RSRC1: variants seen among roughly 807,000 people sequenced by gnomAD.
The protein encoded by RSRC1 is serine/Arginine-related protein 53.
A neutral mutation model predicts 49.1 loss-of-function variants in RSRC1; 39 were observed. That is an observed-to-expected ratio of 0.79 (90% CI 0.61 to 1.04). RSRC1 has a LOEUF of 1.04. Ranked by LOEUF, RSRC1 falls within the 50% of genes least tolerant of loss-of-function variation. The pLI is 0.00. For synonymous variants in RSRC1, 143 were observed against 130.8 expected, an observed-to-expected ratio of 1.09 and a Z score of -0.63; for missense variants, 388 against 402.4, an observed-to-expected ratio of 0.96 and a Z score of 0.31.
At chr3:158,345,481 G>C (rs919370296) in intron 5 of RSRC1, among the ~76,000 whole-genome samples, 3 of 152,086 alleles carry the variant, frequency 2.0e-5, no homozygotes, top group African/African-American at 7.2e-5. Context: ...TAAGATGTCA[G>C]TTCTCCTCAA....
chr3:158,311,401 A>G (rs1196050818), intron 5 of RSRC1, among the ~76,000 whole-genome samples: 2 of 152,016 alleles, frequency 1.3e-5, no homozygotes, highest in African/African-American at 4.8e-5. Context: ...GAATAGATGT[A>G]TAATCTAATT....
intron 6 of RSRC1, among the ~76,000 whole-genome samples, chr3:158,459,821 A>G (rs1425466942): frequency 1.3e-5 from 2 of 152,020 alleles, no homozygotes; most frequent in Non-Finnish European, 2.9e-5. Context: ...ATAGTACTTC[A>G]TAACACCATT....
At chr3:158,528,657 A>G (rs1191760008) in intron 7 of RSRC1, among the ~76,000 whole-genome samples, 1 of 151,998 alleles carries the variant, frequency 6.6e-6, no homozygotes, top group Non-Finnish European at 1.5e-5. Flanking sequence ...TAAGGATTCT[A>G]GAATTAAAAT....
intron 3 of RSRC1, among the ~76,000 whole-genome samples, chr3:158,145,214 A>T (rs528252619): frequency 4.6e-5 from 7 of 152,254 alleles, no homozygotes; most frequent in East Asian, 3.9e-4. Flanking sequence ...CCCATGCCTA[A>T]GTCCTGAATG....
chr3:158,373,417 G>A (rs1732185647), intron 6 of RSRC1, among the ~76,000 whole-genome samples: 1 of 151,544 alleles, frequency 6.6e-6, no homozygotes. Flanking sequence ...TTCTTATTTT[G>A]CTTCAAATTC....
chr3:158,200,830 G>A (rs1721002374), intron 3 of RSRC1, among the ~76,000 whole-genome samples: 1 of 152,034 alleles, frequency 6.6e-6, no homozygotes, highest in Admixed American at 6.6e-5. Flanking sequence ...TCTACTTTCA[G>A]TATAAACCTT....
chr3:158,280,741 G>T (rs1455354078), intron 4 of RSRC1, among the ~76,000 whole-genome samples: 1 of 140,362 alleles, frequency 7.1e-6, no homozygotes, highest in East Asian at 2.2e-4. Context: ...CTGCCTCCTG[G>T]ATTCAAACAA....
chr3:158,121,710 A>G (rs1289964976), intron 1 of RSRC1, among the ~76,000 whole-genome samples: 3 of 152,264 alleles, frequency 2.0e-5, no homozygotes, highest in Non-Finnish European at 4.4e-5. Context: ...AAAATGTCAT[A>G]TAATTAATGA....
chr3:158,148,420 A>G (rs1452129344), intron 3 of RSRC1, among the ~76,000 whole-genome samples: 2 of 151,896 alleles, frequency 1.3e-5, no homozygotes, highest in African/African-American at 2.4e-5. Context: ...AGCCTTAGAC[A>G]TGACTCAGAG....
At chr3:158,372,087 T>A (rs890504577) in intron 6 of RSRC1, among the ~76,000 whole-genome samples, 2 of 150,618 alleles carry the variant, frequency 1.3e-5, no homozygotes, top group African/African-American at 2.4e-5. Flanking sequence ...TGATCAAATA[T>A]GTTATTTGCA....
At chr3:158,318,730 A>C (rs1166522979) in intron 5 of RSRC1, among the ~76,000 whole-genome samples, 1 of 152,190 alleles carries the variant, frequency 6.6e-6, no homozygotes, top group African/African-American at 2.4e-5. Context: ...TCCTGCATGG[A>C]CTTATGTCAG....
At chr3:158,436,696 CAAT>C (rs903799940) in intron 6 of RSRC1, among the ~76,000 whole-genome samples, 19 of 151,458 alleles carry the variant, frequency 1.3e-4, no homozygotes, top group Non-Finnish European at 2.1e-4. Flanking sequence ...GCATTTTAAA[CAAT>C]AATTACTATA....
intron 6 of RSRC1, among the ~76,000 whole-genome samples, chr3:158,376,255 A>G (rs1294498732): frequency 1.0e-4 from 15 of 142,954 alleles, no homozygotes; most frequent in South Asian, 2.3e-4. Flanking sequence ...GCAGTGGTGC[A>G]ATATTGGCTC....
chr3:158,229,232 G>GTA lies in RSRC1; in HGVS notation c.494+25988_494+25989insAT, dbSNP rs1722767704. ...TATGTATACACACATACACGTATAT[G>GTA]TGTATGTATGTATATAAACATACAT... On this transcript the variant is annotated intron_variant, in intron 4 of 9. Coordinates refer to ENST00000611884, the MANE Select transcript of RSRC1 (RefSeq NM_001271838.2). 2.0e-5 allele frequency among the ~76,000 whole-genome samples: 3 copies of GTA among 150,330 alleles called. No homozygotes were observed. In the South Asian group the frequency reaches 6.3e-4, roughly 31 times the overall value.
At chr3:158,540,130 G>T (rs747995092) in intron 8 of RSRC1, among the ~76,000 whole-genome samples, 1 of 152,102 alleles carries the variant, frequency 6.6e-6, no homozygotes, top group Non-Finnish European at 1.5e-5. Context: ...ACTTGCACTT[G>T]TGCAGAATAT....
At chr3:158,456,063 C>T (rs1169111236) in intron 6 of RSRC1, among the ~76,000 whole-genome samples, 3 of 144,548 alleles carry the variant, frequency 2.1e-5, no homozygotes, top group Non-Finnish European at 4.5e-5. Context: ...TTCGTTCATT[C>T]GTTTAGGAAA....
At chr3:158,537,023 C>G in intron 7 of RSRC1, 69 bp from the exon 8 acceptor site, 1 of 895,222 alleles carries the variant, frequency 1.1e-6, no homozygotes, top group East Asian at 2.5e-5. Context: ...ATAGAAAGAA[C>G]ATTGCTTAGG....
chr3:158,495,156 AACC>A (rs1322952624), intron 7 of RSRC1, among the ~76,000 whole-genome samples: 1 of 152,170 alleles, frequency 6.6e-6, no homozygotes, highest in Non-Finnish European at 1.5e-5. Flanking sequence ...AATCTTGTGG[AACC>A]ACCGTTGTGT....
intron 4 of RSRC1, among the ~76,000 whole-genome samples, chr3:158,255,780 T>C (rs1027271864): frequency 1.3e-5 from 2 of 152,228 alleles, no homozygotes; most frequent in Non-Finnish European, 2.9e-5. Flanking sequence ...ACATCCCTTG[T>C]AAATTGGATT....
Sources: gnomAD v4.1 joint callset for allele counts (sites outside exome capture counted in the v4.1 genomes callset) on GRCh38, gnomAD v4.1.1 for gene constraint, MANE v1.5 for transcripts, NCBI Gene and HGNC (gene_info 2026-07-23, HGNC 2026-07-21) for gene names.